ZNF566: variants seen among roughly 807,000 people sequenced by gnomAD.
ZNF566 encodes zinc finger protein 566.
In ZNF566, 27 loss-of-function variants were observed where a neutral mutation model predicts 32.8. That is an observed-to-expected ratio of 0.82 (90% CI 0.61 to 1.14). The LOEUF (loss-of-function observed/expected upper bound fraction) is 1.14. Among genes scored for constraint, ZNF566 ranks in the 50% most tolerant of loss-of-function variants. ZNF566 has a pLI of 0.00. For synonymous variants in ZNF566, 154 were observed against 159.5 expected, an observed-to-expected ratio of 0.97 and a Z score of 0.26; for missense variants, 402 against 490.4, an observed-to-expected ratio of 0.82 and a Z score of 1.70.
At chr19:36,464,397 C>A (rs1051825652) in intron 4 of ZNF566, among the ~76,000 whole-genome samples, 1 of 151,976 alleles carries the variant, frequency 6.6e-6, no homozygotes, top group Non-Finnish European at 1.5e-5. Context: ...GCTCAAGCAA[C>A]CCTCCTGCCT....
At chr19:36,474,519 A>T (rs962163407) in intron 2 of ZNF566, among the ~76,000 whole-genome samples, 1 of 152,196 alleles carries the variant, frequency 6.6e-6, no homozygotes, top group Admixed American at 6.6e-5. Flanking sequence ...AGGAAAAACG[A>T]AAGTGCAGTA....
chr19:36,451,407 G>T (rs902587499), intron 4 of ZNF566, among the ~76,000 whole-genome samples: 1 of 152,164 alleles, frequency 6.6e-6, no homozygotes, highest in African/African-American at 2.4e-5. Context: ...GCTGACCTTT[G>T]TTAAAGAGAA....
chr19:36,453,241 G>A (rs1441981182), intron 4 of ZNF566, among the ~76,000 whole-genome samples: 4 of 151,774 alleles, frequency 2.6e-5, no homozygotes, highest in African/African-American at 9.7e-5. Context: ...TTGGGAGGCC[G>A]AGGTGTGCAG....
chr19:36,488,910 C>G (rs951455838), intron 1 of ZNF566, among the ~76,000 whole-genome samples: 6 of 152,142 alleles, frequency 3.9e-5, no homozygotes, highest in Non-Finnish European at 8.8e-5. Context: ...ACCATGGGGA[C>G]ATTCAGCTAC....
chr19:36,466,671 G>A (rs183044915), intron 4 of ZNF566, among the ~76,000 whole-genome samples: 32 of 152,232 alleles, frequency 2.1e-4, no homozygotes, highest in African/African-American at 7.5e-4. Context: ...AAAGAAAACC[G>A]TAAACAGAGC....
intron 4 of ZNF566, among the ~76,000 whole-genome samples, chr19:36,459,534 C>G (rs2033406555): frequency 7.3e-6 from 1 of 136,644 alleles, no homozygotes; most frequent in Non-Finnish European, 1.6e-5. Flanking sequence ...TTTTTTGAGA[C>G]AGTTTTGCTC....
At chr19:36,463,407 A>G (rs1301765138) in intron 4 of ZNF566, among the ~76,000 whole-genome samples, 1 of 152,144 alleles carries the variant, frequency 6.6e-6, no homozygotes, top group East Asian at 1.9e-4. Flanking sequence ...ATAAGTTTAT[A>G]AAAATACACT....
At chr19:36,472,782 C>G in intron 4 of ZNF566, 129 bp downstream of exon 4, 1 of 674,804 alleles carries the variant, frequency 1.5e-6, no homozygotes, top group Non-Finnish European at 2.5e-6. Context: ...CATTTGAAAG[C>G]TCATGTAGAA....
intron 4 of ZNF566, among the ~76,000 whole-genome samples, chr19:36,452,566 G>A (rs111832008): frequency 4.2e-4 from 62 of 149,222 alleles, no homozygotes; most frequent in Admixed American, 1.1e-3. Context: ...TGGTAAAAAC[G>A]TACATCATGC....
chr19:36,481,933 T>A (rs189109425), intron 1 of ZNF566, among the ~76,000 whole-genome samples: 1 of 152,242 alleles, frequency 6.6e-6, no homozygotes, highest in East Asian at 1.9e-4. Flanking sequence ...CCAGAATGTA[T>A]CATTAAGAGA....
chr19:36,477,450 C>G (rs1009925819), intron 1 of ZNF566, among the ~76,000 whole-genome samples: 2 of 151,744 alleles, frequency 1.3e-5, no homozygotes, highest in Non-Finnish European at 2.9e-5. Context: ...CAATTAATTC[C>G]TAAAAGTATA....
In ZNF566 at chr19:36,449,616, C is replaced by T. The variant is rs201489745; in HGVS notation, c.618G>A (p.Lys206=). 6 of 1,614,078 alleles carry T rather than the reference C, an allele frequency of 3.7e-6. No individual in the cohort carries two copies. Among genetic ancestry groups the T allele is most frequent in the Non-Finnish European group, 5.1e-6 (6 of 1,180,002 alleles). ...EKPYECKECG[K]SFRHPSRLTH... ...TGAGTCTTGAGGGATGTCTAAAGGA[C>T]TTTCCACATTCCTTACATTCATAAG... The change falls in exon 5 of 5, where the codon AAG becomes AAA. Residue 206 remains lysine, a synonymous_variant. Transcript: ENST00000452939.
intron 4 of ZNF566, among the ~76,000 whole-genome samples, chr19:36,463,978 G>A (rs1404978455): frequency 2.0e-5 from 3 of 151,754 alleles, no homozygotes; most frequent in East Asian, 1.9e-4. Flanking sequence ...TGCCCACCTC[G>A]GCCTCCCAAA....
At chr19:36,479,781 C>G (rs1196095793) in intron 1 of ZNF566, among the ~76,000 whole-genome samples, 1 of 152,180 alleles carries the variant, frequency 6.6e-6, no homozygotes, top group East Asian at 1.9e-4. Context: ...AGTAGAAGCA[C>G]GCCATCAAGT....
At chr19:36,481,473 G>GAAAAAAAAA (rs79028574) in intron 1 of ZNF566, among the ~76,000 whole-genome samples, 1 of 110,860 alleles carries the variant, frequency 9.0e-6, no homozygotes, top group Admixed American at 1.1e-4. Context: ...ACTGTCTCGG[G>GAAAAAAAAA]AAAAAAAAAA....
intron 4 of ZNF566, among the ~76,000 whole-genome samples, chr19:36,461,497 T>C (rs2033461185): frequency 6.6e-6 from 1 of 151,918 alleles, no homozygotes; most frequent in Non-Finnish European, 1.5e-5. Context: ...TAAAACCTCA[T>C]CTCTACTAAA....
In ZNF566 at chr19:36,449,630, T is replaced by C. The variant is rs1164022635; in HGVS notation, c.604A>G (p.Lys202Glu). Residue 202 changes from lysine to glutamate, a missense_variant, in exon 5 of 5, where the codon AAG (lysine) becomes GAG (glutamate). Around this residue, in one of 3 missense-constraint regions of ZNF566, gnomAD observed 220 missense variants for 241.9 expected, o/e 0.91. Transcript: ENST00000452939. ...IHTIEKPYEC[K>E]ECGKSFRHPS... ...TGTCTAAAGGACTTTCCACATTCCT[T>C]ACATTCATAAGGCTTCTCAATGGTA... The C allele has an allele frequency of 6.2e-7, 1 of 1,614,176 alleles. No homozygotes were observed. Among genetic ancestry groups the C allele is most frequent in the Admixed American group, 1.7e-5 (1 of 60,018 alleles).
intron 1 of ZNF566, among the ~76,000 whole-genome samples, chr19:36,484,608 G>A (rs866699799): frequency 8.5e-4 from 15 of 17,726 alleles, no homozygotes; most frequent in Non-Finnish European, 1.6e-3. Context: ...TTTTTTTTTT[G>A]AGATGGAGTC....
intron 1 of ZNF566, 182 bp downstream of exon 1, chr19:36,489,304 C>T (rs1049514385): frequency 4.7e-6 from 1 of 210,860 alleles, no homozygotes; most frequent in Non-Finnish European, 9.7e-6. Context: ...CCGTGCTGCA[C>T]ACGGTGTGAG....
Sources: allele counts gnomAD v4.1 joint callset (sites outside exome capture counted in the v4.1 genomes callset), GRCh38; gene constraint gnomAD v4.1.1; regional missense constraint gnomAD v4.1.1; transcripts MANE v1.5; gene names NCBI Gene and HGNC (gene_info 2026-07-23, HGNC 2026-07-21).